Variants in NR3C2 observed in about 807,000 individuals in gnomAD.
NR3C2 encodes the protein mineralocorticoid receptor.
In NR3C2, 15 loss-of-function variants were observed where a neutral mutation model predicts 86.4. The observed-to-expected ratio is 0.17, with a 90% CI of 0.12 to 0.27. NR3C2 has a LOEUF of 0.27. NR3C2 is among the 10% of genes least tolerant of loss of function. The pLI is 1.00. For synonymous variants in NR3C2, 458 were observed against 450.5 expected, an observed-to-expected ratio of 1.02 and a Z score of -0.21; for missense variants, 960 against 1,195.6, an observed-to-expected ratio of 0.80 and a Z score of 2.91.
chr4:148,380,036 T>C (rs1707448035), intron 2 of NR3C2, among the ~76,000 whole-genome samples: 1 of 152,242 alleles, frequency 6.6e-6, no homozygotes, highest in African/African-American at 2.4e-5. Context: ...GTAAATATAA[T>C]GGCTGTAGTA....
chr4:148,201,634 C>T (rs901339763), intron 3 of NR3C2, among the ~76,000 whole-genome samples: 4 of 147,336 alleles, frequency 2.7e-5, no homozygotes, highest in African/African-American at 1.0e-4. Flanking sequence ...GCACCATCTC[C>T]TCTGCCTGCC....
At chr4:148,251,508 A>G (rs1327501427) in intron 3 of NR3C2, among the ~76,000 whole-genome samples, 1 of 152,170 alleles carries the variant, frequency 6.6e-6, no homozygotes, top group Non-Finnish European at 1.5e-5. Flanking sequence ...ATGGTTTCTG[A>G]GCCACTAGGC....
intron 6 of NR3C2, among the ~76,000 whole-genome samples, chr4:148,147,031 C>T (rs1166075717): frequency 6.6e-6 from 1 of 152,034 alleles, no homozygotes; most frequent in East Asian, 1.9e-4. Context: ...CGATCTGTAG[C>T]AATATATGAT....
At chr4:148,119,252 A>T (rs1732402689) in intron 7 of NR3C2, among the ~76,000 whole-genome samples, 1 of 151,956 alleles carries the variant, frequency 6.6e-6, no homozygotes, top group African/African-American at 2.4e-5. Flanking sequence ...AGGCAAAACA[A>T]CCCCTTCCCG....
At chr4:148,321,586 G>C (rs1232592570) in intron 2 of NR3C2, among the ~76,000 whole-genome samples, 2 of 152,076 alleles carry the variant, frequency 1.3e-5, no homozygotes, top group Non-Finnish European at 2.9e-5. Flanking sequence ...TATATATTTA[G>C]GATAGTTAGC....
chr4:148,205,009 G>C (rs1579010105), intron 3 of NR3C2, among the ~76,000 whole-genome samples: 2 of 152,294 alleles, frequency 1.3e-5, no homozygotes, highest in East Asian at 1.9e-4. Flanking sequence ...GTAGAAATGA[G>C]GCCAGGATAG....
At chr4:148,431,210 G>A (rs915465776) in intron 2 of NR3C2, among the ~76,000 whole-genome samples, 1 of 152,056 alleles carries the variant, frequency 6.6e-6, no homozygotes, top group Non-Finnish European at 1.5e-5. Context: ...CTCTTTTCAA[G>A]TAAAATCATA....
At position 148,435,735 on chromosome 4, in the gene NR3C2, T is replaced by C. The variant is rs1553942952; in HGVS notation, c.1126A>G (p.Lys376Glu). The part of the protein sequence containing the change: ...EKGAQEVPFP[K>E]TEEVESAISN... ...ATGGCACTCTCTACTTCCTCAGTCT[T>C]AGGAAAAGGGACCTCTTGAGCACCT... The change falls in exon 2 of 9, where the codon AAG becomes GAG. Residue 376 changes from lysine (K) to glutamate (E), a missense_variant. Transcript: ENST00000358102. The C allele has an allele frequency of 1.2e-6, 2 of 1,614,034 alleles. No individual in the cohort carries two copies. Among genetic ancestry groups the C allele is most frequent in the Non-Finnish European group, 1.7e-6 (2 of 1,180,028 alleles).
At chr4:148,185,148 C>T (rs757681253) in intron 4 of NR3C2, among the ~76,000 whole-genome samples, 6 of 152,232 alleles carry the variant, frequency 3.9e-5, no homozygotes, top group African/African-American at 7.2e-5. Context: ...CAAATCTCAT[C>T]ACAGTCTGAG....
At chr4:148,197,422 A>G (rs1286528584) in intron 3 of NR3C2, among the ~76,000 whole-genome samples, 1 of 152,224 alleles carries the variant, frequency 6.6e-6, no homozygotes, top group Non-Finnish European at 1.5e-5. Context: ...GGAACCTCCA[A>G]TATGTTGCAA....
chr4:148,406,329 GAGTGGTA>G (rs1748422952), intron 2 of NR3C2, among the ~76,000 whole-genome samples: 1 of 152,112 alleles, frequency 6.6e-6, no homozygotes, highest in African/African-American at 2.4e-5. Context: ...GAAATATGAA[GAGTGGTA>G]AGTATAGAGA....
intron 2 of NR3C2, among the ~76,000 whole-genome samples, chr4:148,428,713 C>T (rs543289624): frequency 6.6e-6 from 1 of 151,966 alleles, no homozygotes; most frequent in African/African-American, 2.4e-5. Context: ...TATCTCAAAC[C>T]TGTCCCCTTC....
In NR3C2 at chr4:148,120,070, A is replaced by G. The variant is rs1732445842; in HGVS notation, c.2641+88T>C. The G allele has an allele frequency of 7.0e-6, 11 of 1,561,646 alleles. No homozygotes were observed. The South Asian group carries it at 1.2e-4, about 17-fold the overall frequency. ...TTGGTTTGTTTTTGTTTTGGTACCA[A>G]CTACCTGAATACAATAAATAGCCTA... On this transcript the variant is annotated intron_variant, in intron 7 of 8. Transcript: ENST00000358102.
intron 6 of NR3C2, among the ~76,000 whole-genome samples, chr4:148,140,535 G>C (rs1733558323): frequency 6.6e-6 from 1 of 151,180 alleles, no homozygotes; most frequent in Admixed American, 6.6e-5. Context: ...CTCTACAAAA[G>C]TTAAAAAAAG....
rs138266438 is a variant in NR3C2, at chr4:148,114,935, C to T, written c.2642-674G>A. On this transcript the variant is annotated intron_variant, in intron 7 of 8. Coordinates refer to ENST00000358102, the MANE Select transcript of NR3C2 (RefSeq NM_000901.5). ...CCAGGATCTCATGACCACTAAGGCA[C>T]GTGACCTTCCAGCACAAGCCCATAA... 2.9e-3 allele frequency among the ~76,000 whole-genome samples: 438 copies of T among 152,270 alleles called. 3 individuals are homozygous for T. Among genetic ancestry groups the T allele is most frequent in the African/African-American group, 9.7e-3 (403 of 41,556 alleles).
chr4:148,134,264 A>C (rs1450547323), intron 6 of NR3C2, among the ~76,000 whole-genome samples: 2 of 152,224 alleles, frequency 1.3e-5, no homozygotes, highest in East Asian at 1.9e-4. Flanking sequence ...AATAAGTGTA[A>C]CACCACCAGG....
Position 148,259,968 on chromosome 4 carries a change from G to C in NR3C2, c.1897+10C>G. On this transcript the variant is annotated intron_variant, in intron 3 of 8. Coordinates refer to ENST00000358102, the MANE Select transcript of NR3C2 (RefSeq NM_000901.5). ...AAATATGTAAAAGGAACACCCACAT[G>C]AACATTTACCTTCCACTGCTCTTTT... is the stretch of plus-strand genomic sequence containing the variant. The C allele has an allele frequency of 1.2e-6, 2 of 1,614,016 alleles. No individual in the cohort carries two copies. Among genetic ancestry groups the C allele is most frequent in the African/African-American group, 1.3e-5 (1 of 75,044 alleles).
chr4:148,256,897 G>A (rs574001480), intron 3 of NR3C2, among the ~76,000 whole-genome samples: 1 of 152,076 alleles, frequency 6.6e-6, no homozygotes, highest in Admixed American at 6.6e-5. Context: ...ATTAAACAGA[G>A]CACACACACA....
At chr4:148,396,237 A>G (rs1475909255) in intron 2 of NR3C2, among the ~76,000 whole-genome samples, 1 of 152,264 alleles carries the variant, frequency 6.6e-6, no homozygotes, top group Non-Finnish European at 1.5e-5. Context: ...GATACATCAC[A>G]TAAATATAAA....
Sources: gnomAD v4.1 joint callset for allele counts (sites outside exome capture counted in the v4.1 genomes callset) on GRCh38, gnomAD v4.1.1 for gene constraint, MANE v1.5 for transcripts, NCBI Gene and HGNC (gene_info 2026-07-23, HGNC 2026-07-21) for gene names.